The following RYK variants were observed in gnomAD, a reference collection of about 807,000 sequenced individuals.
RYK encodes receptor like tyrosine kinase.
Under a neutral mutation model 70.2 loss-of-function variants are expected in RYK, and 21 were observed. That is an observed-to-expected ratio of 0.30 (90% CI 0.21 to 0.43). RYK has a LOEUF of 0.43. RYK is among the 20% of genes least tolerant of loss of function. The pLI is 1.00. For synonymous variants in RYK, 267 were observed against 278.0 expected (o/e 0.96, Z 0.39); for missense variants, 604 against 753.3 (o/e 0.80, Z 2.32).
intron 1 of RYK, among the ~76,000 whole-genome samples, chr3:134,224,975 T>A (rs1264083622): frequency 6.7e-6 from 1 of 149,424 alleles, no homozygotes; most frequent in Non-Finnish European, 1.5e-5. Context: ...GTTCTATATA[T>A]TTTCTTTATT....
chr3:134,168,571 T>C (rs1317012129), intron 13 of RYK, among the ~76,000 whole-genome samples: 1 of 125,278 alleles, frequency 8.0e-6, no homozygotes, highest in African/African-American at 3.0e-5. Flanking sequence ...AATTGAACAA[T>C]GAGAACACTT....
intron 1 of RYK, among the ~76,000 whole-genome samples, chr3:134,247,006 A>G (rs1203510278): frequency 6.6e-6 from 1 of 152,188 alleles, no homozygotes; most frequent in African/African-American, 2.4e-5. Context: ...ATCAAAAGGC[A>G]TTTAACATAC....
At chr3:134,239,285 C>T (rs532175723) in intron 1 of RYK, among the ~76,000 whole-genome samples, 1 of 152,080 alleles carries the variant, frequency 6.6e-6, no homozygotes, top group South Asian at 2.1e-4. Flanking sequence ...CACAGGGAGA[C>T]CTCATCTATA....
chr3:134,232,383 C>T (rs1010105081), intron 1 of RYK, among the ~76,000 whole-genome samples: 13 of 152,160 alleles, frequency 8.5e-5, no homozygotes, highest in African/African-American at 7.2e-5. Flanking sequence ...TTGAATGCTG[C>T]ATAATCCTGG....
chr3:134,227,378 T>C (rs2014939783), intron 1 of RYK, among the ~76,000 whole-genome samples: 1 of 152,104 alleles, frequency 6.6e-6, no homozygotes, highest in South Asian at 2.1e-4. Flanking sequence ...CAAAGTAATC[T>C]TAATCAAAAT....
intron 1 of RYK, among the ~76,000 whole-genome samples, chr3:134,230,077 T>C (rs550428990): frequency 6.8e-4 from 104 of 152,302 alleles, no homozygotes; most frequent in African/African-American, 1.9e-3. Context: ...AAAAGACTTA[T>C]GCACAAATAT....
At chr3:134,199,353 C>T (rs143342654) in intron 6 of RYK, among the ~76,000 whole-genome samples, 90 of 152,346 alleles carry the variant, frequency 5.9e-4, no homozygotes, top group Admixed American at 1.2e-3. Context: ...TGAGGATTAA[C>T]GGAGTTCATG....
At position 134,158,175 on chromosome 3, in the gene RYK, G is replaced by A. The variant is rs2012316923; in HGVS notation, c.1802C>T (p.Ala601Val). ...GAGTCAGACGTAGGCCCCCAGGGCT[G>A]CATGAAACTCTGTTAGGCACTGTAC... The part of the protein sequence containing the change: ...QLVQCLTEFH[A>V]ALGAYV The change falls in exon 15 of 15, where the codon GCA (alanine) becomes GTA (valine). Residue 601 changes from alanine to valine, a missense_variant. Ala to Val is a moderately conservative substitution (Grantham distance 64, BLOSUM62 0). Around this residue, in one of 2 missense-constraint regions of RYK, gnomAD observed 138 missense variants for 217.4 expected, o/e 0.63. Transcript: ENST00000623711. 3 of 1,543,728 alleles carry A rather than the reference G, an allele frequency of 1.9e-6. No homozygotes were observed. Among genetic ancestry groups the A allele is most frequent in the Admixed American group, 1.9e-5 (1 of 53,768 alleles).
chr3:134,233,712 A>G (rs957074348), intron 1 of RYK, among the ~76,000 whole-genome samples: 1 of 152,188 alleles, frequency 6.6e-6, no homozygotes. Context: ...TCTCTCTAAC[A>G]TATTAGGCTT....
intron 1 of RYK, among the ~76,000 whole-genome samples, chr3:134,225,779 C>G (rs1295467892): frequency 6.6e-6 from 1 of 151,832 alleles, no homozygotes; most frequent in African/African-American, 2.4e-5. Context: ...ATGGCTTGAG[C>G]TCAGGAATTT....
chr3:134,175,909 C>A, intron 12 of RYK, 21 bp downstream of exon 12: 1 of 1,571,054 alleles, frequency 6.4e-7, no homozygotes. Flanking sequence ...CAAGTGACAG[C>A]GTCAAGCTCA....
intron 10 of RYK, chr3:134,181,463 T>C (rs567379395): frequency 4.6e-5 from 7 of 152,344 alleles, no homozygotes; most frequent in African/African-American, 1.7e-4. Flanking sequence ...AAACTCAGTT[T>C]CTTTTTCATT....
chr3:134,213,660 C>T (rs540260423), intron 2 of RYK, among the ~76,000 whole-genome samples: 1 of 152,206 alleles, frequency 6.6e-6, no homozygotes, highest in South Asian at 2.1e-4. Context: ...CCTCAGAAGT[C>T]ATCTGTTCCC....
At chr3:134,221,563 T>C (rs997979334) in intron 2 of RYK, among the ~76,000 whole-genome samples, 2 of 152,098 alleles carry the variant, frequency 1.3e-5, no homozygotes, top group Non-Finnish European at 2.9e-5. Flanking sequence ...ATCACTGTTG[T>C]TTTCTAAGTA....
intron 10 of RYK, among the ~76,000 whole-genome samples, chr3:134,182,198 T>C (rs1331952828): frequency 6.6e-6 from 1 of 152,120 alleles, no homozygotes; most frequent in Non-Finnish European, 1.5e-5. Context: ...TAAGTAGTTT[T>C]TAAAAATCAT....
At chr3:134,239,751 T>C (rs1309755308) in intron 1 of RYK, among the ~76,000 whole-genome samples, 2 of 152,218 alleles carry the variant, frequency 1.3e-5, no homozygotes, top group Non-Finnish European at 2.9e-5. Context: ...AAAGTGTCTA[T>C]TCAAACAGAA....
At chr3:134,246,301 AATACACACACACACACACACAC>A (rs1182990901) in intron 1 of RYK, among the ~76,000 whole-genome samples, 5 of 103,664 alleles carry the variant, frequency 4.8e-5, no homozygotes, top group Non-Finnish European at 7.4e-5. Context: ...CTCAGAAAGA[AATACACACACACACACACACAC>A]ACACACACAC....
intron 1 of RYK, 33 bp downstream of exon 1, chr3:134,250,390 C>T: frequency 7.5e-7 from 1 of 1,337,460 alleles, no homozygotes; most frequent in Non-Finnish European, 9.6e-7. Context: ...GCCGGCCCGA[C>T]CTGCCCGCCC....
chr3:134,221,196 CTTTTTTTTTTTTTTTT>C lies in RYK; in HGVS notation c.354+1206_354+1221del, dbSNP rs71139519. ...CTACAAAGTCTTAACAGTTCTTTTT[CTTTTTTTTTTTTTTTT>C]TTTTTTTTTTGAGACAGAGTCTCAC... is the stretch of plus-strand genomic sequence containing the variant. On this transcript the variant is annotated intron_variant, in intron 2 of 14. Transcript: ENST00000623711. Among the ~76,000 whole-genome samples, 699 of 78,610 alleles carry C rather than the reference CTTTTTTTTTTTTTTTT, an allele frequency of 8.9e-3. 5 individuals carry two copies. Among genetic ancestry groups the C allele is most frequent in the Middle Eastern group, 0.031 (3 of 98 alleles). 51.6% of individuals were successfully genotyped at this position (78,610 alleles called of 152,430 possible).
Sources: allele counts gnomAD v4.1 joint callset (sites outside exome capture counted in the v4.1 genomes callset), GRCh38; gene constraint gnomAD v4.1.1; regional missense constraint gnomAD v4.1.1; transcripts MANE v1.5; gene names NCBI Gene and HGNC (gene_info 2026-07-23, HGNC 2026-07-21).